Variants in FYN observed in about 807,000 individuals in gnomAD.
FYN encodes tyrosine-protein kinase Fyn.
In FYN, 10 loss-of-function variants were observed where a neutral mutation model predicts 70.2. The observed-to-expected ratio is 0.14, with a 90% CI of 0.09 to 0.24. The LOEUF (loss-of-function observed/expected upper bound fraction) is 0.24. Among genes scored for constraint, FYN ranks in the 10% least tolerant of loss-of-function variants. FYN has a pLI of 1.00. For synonymous variants in FYN, 236 were observed against 248.6 expected, an observed-to-expected ratio of 0.95 and a Z score of 0.48; for missense variants, 319 against 673.1, an observed-to-expected ratio of 0.47 and a Z score of 5.82.
intron 1 of FYN, among the ~76,000 whole-genome samples, chr6:111,856,962 ACAT>A (rs1773837710): frequency 6.6e-6 from 1 of 152,256 alleles, no homozygotes; most frequent in African/African-American, 2.4e-5. Context: ...GTTTTAAAAT[ACAT>A]CATCTTAAAT....
intron 3 of FYN, among the ~76,000 whole-genome samples, chr6:111,760,664 G>A (rs1231316554): frequency 2.0e-5 from 3 of 152,236 alleles, no homozygotes; most frequent in Non-Finnish European, 4.4e-5. Context: ...CTCAAGCTGG[G>A]AGTTGCACGG....
At chr6:111,662,944 T>C (rs920553009) in intron 13 of FYN, among the ~76,000 whole-genome samples, 2 of 152,218 alleles carry the variant, frequency 1.3e-5, no homozygotes, top group South Asian at 2.1e-4. Flanking sequence ...CTGGGCTGCA[T>C]AGCACTAACA....
chr6:111,789,917 C>T (rs1297267141), intron 2 of FYN, among the ~76,000 whole-genome samples: 1 of 152,128 alleles, frequency 6.6e-6, no homozygotes, highest in East Asian at 1.9e-4. Context: ...TGGGGAAGGC[C>T]CATGAAATAC....
intron 3 of FYN, among the ~76,000 whole-genome samples, chr6:111,748,897 T>C (rs1802361354): frequency 6.6e-6 from 1 of 152,176 alleles, no homozygotes; most frequent in Non-Finnish European, 1.5e-5. Context: ...TTGTTCTAAG[T>C]CTATGGGAAA....
At chr6:111,795,497 T>C (rs1192177547) in intron 2 of FYN, among the ~76,000 whole-genome samples, 1 of 152,196 alleles carries the variant, frequency 6.6e-6, no homozygotes, top group Non-Finnish European at 1.5e-5. Flanking sequence ...AGCAAATTAG[T>C]ACAGGAATCA....
chr6:111,812,001 C>T (rs1772339633), intron 2 of FYN, among the ~76,000 whole-genome samples: 1 of 152,160 alleles, frequency 6.6e-6, no homozygotes. Context: ...CTAGGACCCT[C>T]TGCACCCCAG....
intron 2 of FYN, among the ~76,000 whole-genome samples, chr6:111,788,322 T>C (rs577811862): frequency 6.6e-6 from 1 of 152,342 alleles, no homozygotes; most frequent in East Asian, 1.9e-4. Context: ...GTTCTAGTCA[T>C]TCTGTTGCAT....
Position 111,741,254 on chromosome 6 carries a change from A to G in FYN, c.-11-21192T>C, listed in dbSNP as rs529593335. ...TTAGGTGTTTTCTTGTTTATTATCT[A>G]CCTCCACTCATGAGAAAGAAAGCTC... On this transcript the variant is annotated intron_variant, in intron 3 of 13. Transcript: ENST00000354650. 2.8e-4 allele frequency among the ~76,000 whole-genome samples: 43 copies of G among 151,974 alleles called. 1 individual carries two copies. The South Asian group carries it at 5.8e-3, about 21-fold the overall frequency.
rs140762956 is a variant in FYN, at chr6:111,720,008, G to A, written c.44C>T (p.Thr15Met). 2.5e-6 allele frequency: 4 copies of A among 1,612,678 alleles called. No homozygotes were observed. Among genetic ancestry groups the A allele is most frequent in the Non-Finnish European group, 2.5e-6 (3 of 1,178,880 alleles). ...QCKDKEATKL[T>M]EERDGSLNQS... ...GTTCAGGCTGCCGTCCCTCTCCTCC[G>A]TCAGTTTTGTTGCTTCTTTATCCTT... is the stretch of plus-strand genomic sequence containing the variant. Residue 15 changes from threonine to methionine, a missense_variant, in exon 4 of 14, where the codon ACG becomes ATG. By Grantham distance (81) the Thr-to-Met change is moderately conservative. Around this residue, in one of 4 missense-constraint regions of FYN, gnomAD observed 128 missense variants for 183.9 expected, o/e 0.70. Coordinates refer to ENST00000354650, the MANE Select transcript of FYN (RefSeq NM_002037.5).
chr6:111,673,500 A>G (rs1407033837), intron 13 of FYN, among the ~76,000 whole-genome samples: 1 of 152,116 alleles, frequency 6.6e-6, no homozygotes, highest in Admixed American at 6.5e-5. Flanking sequence ...TAAAAAAGGA[A>G]CAAAGGGATT....
At chr6:111,687,909 T>C (rs578124197) in intron 12 of FYN, among the ~76,000 whole-genome samples, 1 of 152,274 alleles carries the variant, frequency 6.6e-6, no homozygotes, top group African/African-American at 2.4e-5. Flanking sequence ...ATGCTAGGAT[T>C]TATACCAAGA....
At position 111,696,419 on chromosome 6, in the gene FYN, A is replaced by C. The variant is rs1389707001; in HGVS notation, c.900T>G (p.Thr300=). The C allele has an allele frequency of 6.2e-7, 1 of 1,611,604 alleles. No individual in the cohort carries two copies. The highest frequency in any genetic ancestry group is 1.3e-5 in the African/African-American group (1 of 74,874). ...CGGGGGACATTGTGCCTGGTTTAAGAGTCTTTATGGCTACTTTTGTGTTTC... is the reference window on the plus strand; with the variant it reads ...CGGGGGACATTGTGCCTGGTTTAAGCGTCTTTATGGCTACTTTTGTGTTTC... ...WNGNTKVAIK[T]LKPGTMSPES... Residue 300 remains threonine, a synonymous_variant, in exon 10 of 14, where the codon ACT becomes ACG. Transcript: ENST00000354650.
intron 2 of FYN, among the ~76,000 whole-genome samples, chr6:111,801,193 C>T (rs185814811): frequency 8.7e-4 from 132 of 152,306 alleles, no homozygotes; most frequent in African/African-American, 2.9e-3. Flanking sequence ...GGCCAAGCAA[C>T]GCTCAAACCA....
intron 1 of FYN, among the ~76,000 whole-genome samples, chr6:111,852,166 C>T (rs1773703645): frequency 6.6e-6 from 1 of 152,170 alleles, no homozygotes; most frequent in African/African-American, 2.4e-5. Flanking sequence ...TATCATATAA[C>T]AAAATAATCC....
intron 2 of FYN, among the ~76,000 whole-genome samples, chr6:111,804,054 T>A (rs1424420595): frequency 6.6e-6 from 1 of 152,226 alleles, no homozygotes; most frequent in Non-Finnish European, 1.5e-5. Context: ...ATACAGCTAC[T>A]AGTTTCACTT....
intron 1 of FYN, among the ~76,000 whole-genome samples, chr6:111,868,465 T>C (rs999479391): frequency 6.6e-6 from 1 of 152,168 alleles, no homozygotes; most frequent in Non-Finnish European, 1.5e-5. Context: ...TGCTTTACCA[T>C]TGTTTAATTT....
At chr6:111,807,279 C>A (rs987887194) in intron 2 of FYN, among the ~76,000 whole-genome samples, 2 of 152,152 alleles carry the variant, frequency 1.3e-5, no homozygotes, top group African/African-American at 4.8e-5. Flanking sequence ...AACTCCAGGG[C>A]AAAATAGACA....
chr6:111,768,542 A>G (rs1466997664), intron 3 of FYN, among the ~76,000 whole-genome samples: 1 of 152,184 alleles, frequency 6.6e-6, no homozygotes, highest in East Asian at 1.9e-4. Context: ...GTTCCTACAC[A>G]CTTGCCAGGG....
Position 111,771,879 on chromosome 6 carries a change from G to A in FYN, c.-12+8687C>T, listed in dbSNP as rs112187370. ...CTCCTGGCTGACTTTCCTTGTTTAG[G>A]GACCTACTCAGTCAGGCAGGCACTT... On this transcript the variant is annotated intron_variant, in intron 3 of 13. Transcript: ENST00000354650. Among the ~76,000 whole-genome samples the A allele has an allele frequency of 3.7e-4, 57 of 152,190 alleles. 1 individual carries two copies. The highest frequency in any genetic ancestry group is 1.2e-3 in the African/African-American group (51 of 41,500).
Sources: allele counts gnomAD v4.1 joint callset (sites outside exome capture counted in the v4.1 genomes callset), GRCh38; gene constraint gnomAD v4.1.1; regional missense constraint gnomAD v4.1.1; transcripts MANE v1.5; gene names NCBI Gene and HGNC (gene_info 2026-07-23, HGNC 2026-07-21).